Variants in C16orf74 observed in about 807,000 individuals in gnomAD.
C16orf74 encodes the protein calcimembrin, also known as uncharacterized protein C16orf74.
C16orf74 carries 10 observed loss-of-function variants against 6.5 expected under a neutral mutation model. The ratio of observed to expected loss-of-function variants is 1.54; its 90% confidence interval spans 0.95 to 2.61. The LOEUF (loss-of-function observed/expected upper bound fraction) is 2.61, where lower values mean the gene tolerates loss of function less well. C16orf74 is among the 30% of genes most tolerant of loss of function. The pLI is 0.00. For synonymous variants in C16orf74, 60 were observed against 42.5 expected (o/e 1.41, Z -1.60); for missense variants, 141 against 105.9 (o/e 1.33, Z -1.45).
At chr16:85,727,288 G>T (rs2054143595) in intron 2 of C16orf74, among the ~76,000 whole-genome samples, 1 of 152,184 alleles carries the variant, frequency 6.6e-6, no homozygotes, top group Non-Finnish European at 1.5e-5. Context: ...AGGCAAATCA[G>T]AAAAATGGGT....
chr16:85,731,275 G>A (rs370489913), intron 2 of C16orf74, among the ~76,000 whole-genome samples: 38 of 152,360 alleles, frequency 2.5e-4, no homozygotes, highest in Non-Finnish European at 4.4e-4. Context: ...GAACATGTGA[G>A]GCCCATTGTT....
chr16:85,708,863 A>T (rs997716881), intron 3 of C16orf74, among the ~76,000 whole-genome samples: 1 of 152,166 alleles, frequency 6.6e-6, no homozygotes, highest in Non-Finnish European at 1.5e-5. Flanking sequence ...CACCAGCCTC[A>T]TGGGTGCCTT....
Position 85,732,526 on chromosome 16 carries a change from C to T in C16orf74, c.28+2664G>A, listed in dbSNP as rs184150772. ...ACTAAAAATACAAAAATTAGCTGGGCGTGGTGGCACACGCCTGTAATCCCA... is the reference window on the plus strand; with the variant it reads ...ACTAAAAATACAAAAATTAGCTGGGTGTGGTGGCACACGCCTGTAATCCCA... On this transcript the variant is annotated intron_variant, in intron 2 of 3. Coordinates refer to ENST00000284245, the MANE Select transcript of C16orf74 (RefSeq NM_206967.3). Among the ~76,000 whole-genome samples, 993 of 151,538 alleles carry T rather than the reference C, an allele frequency of 6.6e-3. 8 individuals are homozygous for T. The highest frequency in any genetic ancestry group is 0.022 in the African/African-American group (922 of 41,306).
chr16:85,744,656 C>G (rs1224141633), intron 1 of C16orf74, among the ~76,000 whole-genome samples: 3 of 151,878 alleles, frequency 2.0e-5, no homozygotes, highest in African/African-American at 4.8e-5. Flanking sequence ...CGGTGAAACC[C>G]TGTCTCTACT....
chr16:85,710,174 C>G lies in C16orf74; in HGVS notation c.162G>C (p.Leu54Phe). The G allele has an allele frequency of 1.4e-6, 2 of 1,458,344 alleles. No homozygotes were observed. The highest frequency in any genetic ancestry group is 1.8e-6 in the Non-Finnish European group (2 of 1,113,856). The allele number at this position is 1,458,344 out of a possible 1,614,324, so 90.3% of individuals were successfully genotyped here. ...TPTGMMLPRD[L>F]GSTVWLDETG... ...AGGGGACGGCCTCACCTGTGCTCCC[C>G]AAGTCCCTCGGCAGCATCATGCCCG... The change falls in exon 3 of 4, where the codon TTG becomes TTC. Residue 54 changes from leucine (L) to phenylalanine (F), a missense_variant. Transcript: ENST00000284245.
At chr16:85,746,444 C>G (rs763746196) in intron 1 of C16orf74, among the ~76,000 whole-genome samples, 1 of 152,210 alleles carries the variant, frequency 6.6e-6, no homozygotes, top group Non-Finnish European at 1.5e-5. Context: ...TCAAGGTCAT[C>G]TGATTTCTAA....
At chr16:85,729,806 T>C (rs1473776463) in intron 2 of C16orf74, among the ~76,000 whole-genome samples, 3 of 152,070 alleles carry the variant, frequency 2.0e-5, no homozygotes, top group Non-Finnish European at 4.4e-5. Flanking sequence ...GGCCTGAAGC[T>C]ATCAGAAGCT....
chr16:85,737,837 CAAAA>C (rs948265161), intron 1 of C16orf74, among the ~76,000 whole-genome samples: 1 of 151,920 alleles, frequency 6.6e-6, no homozygotes, highest in East Asian at 1.9e-4. Context: ...ATCTCAAAAA[CAAAA>C]AACAAAGAAC....
At chr16:85,746,078 G>A (rs1186448018) in intron 1 of C16orf74, among the ~76,000 whole-genome samples, 1 of 152,150 alleles carries the variant, frequency 6.6e-6, no homozygotes, top group Non-Finnish European at 1.5e-5. Flanking sequence ...TGGGTGCGGT[G>A]GCTCATTCCT....
At chr16:85,709,138 T>C (rs370871804) in intron 3 of C16orf74, among the ~76,000 whole-genome samples, 9 of 152,228 alleles carry the variant, frequency 5.9e-5, no homozygotes, top group African/African-American at 1.7e-4. Context: ...GCAGATCACC[T>C]GAGGTCAGGA....
At chr16:85,744,167 G>T (rs2054342723) in intron 1 of C16orf74, 1 of 139,588 alleles carries the variant, frequency 7.2e-6, no homozygotes, top group Non-Finnish European at 1.5e-5. Context: ...GGAGGTAGCG[G>T]TGAGCCGAGA....
chr16:85,715,322 C>T (rs186659490), intron 2 of C16orf74, among the ~76,000 whole-genome samples: 3 of 152,158 alleles, frequency 2.0e-5, no homozygotes, highest in African/African-American at 4.8e-5. Context: ...GGGGCCGAGG[C>T]GTGCGCTCCT....
At chr16:85,724,137 C>T (rs2054109851) in intron 2 of C16orf74, among the ~76,000 whole-genome samples, 1 of 152,194 alleles carries the variant, frequency 6.6e-6, no homozygotes, top group African/African-American at 2.4e-5. Context: ...AGCAATCCTC[C>T]TGCCTTGGCC....
At chr16:85,731,876 G>A (rs1006774386) in intron 2 of C16orf74, among the ~76,000 whole-genome samples, 8 of 152,030 alleles carry the variant, frequency 5.3e-5, no homozygotes, top group African/African-American at 1.9e-4. Context: ...TTTTTTGTAG[G>A]GATGGGGTTT....
At chr16:85,708,785 G>A (rs565703984) in intron 3 of C16orf74, among the ~76,000 whole-genome samples, 4 of 152,334 alleles carry the variant, frequency 2.6e-5, no homozygotes, top group African/African-American at 7.2e-5. Flanking sequence ...GGCAAGTGGA[G>A]ACCCAAGCTC....
chr16:85,723,200 C>T (rs1412096168), intron 2 of C16orf74, among the ~76,000 whole-genome samples: 4 of 143,382 alleles, frequency 2.8e-5, no homozygotes, highest in Non-Finnish European at 6.0e-5. Context: ...GTGGAGGCTG[C>T]AGTGAGCTGA....
chr16:85,734,836 C>T (rs1567810039), intron 2 of C16orf74, among the ~76,000 whole-genome samples: 2 of 152,182 alleles, frequency 1.3e-5, no homozygotes, highest in African/African-American at 2.4e-5. Context: ...TGATAACAGG[C>T]CCCGGGTGTG....
intron 2 of C16orf74, among the ~76,000 whole-genome samples, chr16:85,727,933 G>A (rs2054150325): frequency 1.5e-5 from 2 of 135,154 alleles, no homozygotes; most frequent in South Asian, 4.5e-4. Context: ...TTTAAGACTA[G>A]CCCGAGCAAC....
rs561332429 is a variant in C16orf74, at chr16:85,751,037, G to A, written c.-130C>T. The A allele has an allele frequency of 6.7e-6, 1 of 149,188 alleles. No individual in the cohort carries two copies. The highest frequency in any genetic ancestry group is 1.9e-4 in the East Asian group (1 of 5,148). The allele number at this position is 149,188 out of a possible 1,614,324, so 9.2% of individuals were successfully genotyped here. On this transcript the variant is annotated 5_prime_UTR_variant, in exon 1 of 4. Coordinates refer to ENST00000284245, the MANE Select transcript of C16orf74 (RefSeq NM_206967.3). Reference sequence around the variant, plus strand: ...CGGGCTCGGGGGGCCGCGGCGACGAGCCTGCAAGACAGAGCAGCGGGGGTC... The same window carrying A: ...CGGGCTCGGGGGGCCGCGGCGACGAACCTGCAAGACAGAGCAGCGGGGGTC...
Sources: allele counts gnomAD v4.1 joint callset (sites outside exome capture counted in the v4.1 genomes callset), GRCh38; gene constraint gnomAD v4.1.1; transcripts MANE v1.5; gene names NCBI Gene and HGNC (gene_info 2026-07-23, HGNC 2026-07-21).